The following ZMYM4 variants were observed in gnomAD, a reference collection of about 807,000 sequenced individuals.
ZMYM4 encodes zinc finger MYM-type containing 4, also known as zinc finger MYM-type protein 4.
Under a neutral mutation model 183.2 loss-of-function variants are expected in ZMYM4, and 31 were observed. That is an observed-to-expected ratio of 0.17 (90% CI 0.13 to 0.23). The LOEUF (loss-of-function observed/expected upper bound fraction) is 0.23. ZMYM4 is among the 10% of genes least tolerant of loss of function. ZMYM4 has a pLI of 1.00. For synonymous variants in ZMYM4, 592 were observed against 631.2 expected, an observed-to-expected ratio of 0.94 and a Z score of 0.93; for missense variants, 1,273 against 1,840.3, an observed-to-expected ratio of 0.69 and a Z score of 5.64.
intron 15 of ZMYM4, among the ~76,000 whole-genome samples, chr1:35,391,530 C>G (rs1020237291): frequency 2.6e-5 from 4 of 152,004 alleles, no homozygotes; most frequent in African/African-American, 9.7e-5. Context: ...CTACAAGAGC[C>G]TACTCCAAAA....
At position 35,389,875 on chromosome 1, in the gene ZMYM4, G is replaced by A. The variant is rs141067930; in HGVS notation, c.2437-73G>A. 4 of 1,499,052 alleles carry A rather than the reference G, an allele frequency of 2.7e-6. No homozygotes were observed. The highest frequency in any genetic ancestry group is 2.1e-5 in the Admixed American group (1 of 47,730). The allele number at this position is 1,499,052 out of a possible 1,614,324, so 92.9% of individuals were successfully genotyped here. A position where few individuals can be genotyped will look rare whatever the true frequency, so the allele number is the denominator to read the frequency against. On this transcript the variant is annotated intron_variant, in intron 14 of 29. Transcript: ENST00000314607. This position sits in a 1 kb window ranked among gnomAD's most constrained non-coding sequence, Gnocchi z 4.0. Reference sequence around the variant, plus strand: ...CTAAGTTAATTTCGTCACTTGTTATGTGTGTCTTATTTTTATTTTGTCAGA... The same window carrying A: ...CTAAGTTAATTTCGTCACTTGTTATATGTGTCTTATTTTTATTTTGTCAGA...
At chr1:35,386,883 A>C in intron 11 of ZMYM4, 120 bp from the exon 12 acceptor site, 1 of 1,098,692 alleles carries the variant, frequency 9.1e-7, no homozygotes, top group Non-Finnish European at 1.3e-6. Flanking sequence ...AGGCAGGAAC[A>C]TTGCCTGTTA....
chr1:35,293,224 C>G (rs1277191571), intron 1 of ZMYM4, among the ~76,000 whole-genome samples: 1 of 151,810 alleles, frequency 6.6e-6, no homozygotes, highest in Non-Finnish European at 1.5e-5. Flanking sequence ...AGGCTGGTCT[C>G]AAAGTCCTGG....
At chr1:35,317,436 A>T (rs1006981909) in intron 1 of ZMYM4, among the ~76,000 whole-genome samples, 1 of 152,058 alleles carries the variant, frequency 6.6e-6, no homozygotes, top group African/African-American at 2.4e-5. Flanking sequence ...TCTGTCTCAA[A>T]AAATAAATAA....
intron 1 of ZMYM4, among the ~76,000 whole-genome samples, chr1:35,291,634 C>CTTTTTT (rs1296107892): frequency 7.7e-6 from 1 of 129,338 alleles, no homozygotes; most frequent in Non-Finnish European, 1.7e-5. Flanking sequence ...GTGATTGTTA[C>CTTTTTT]TTTTTTTTTT....
intron 7 of ZMYM4, among the ~76,000 whole-genome samples, chr1:35,374,557 C>T (rs146692006): frequency 0.018 from 2,739 of 151,574 alleles, 69 homozygotes; most frequent in African/African-American, 0.063. Flanking sequence ...CCCACCTACT[C>T]AGGAGGCTGA....
At chr1:35,289,704 A>G (rs975498637) in intron 1 of ZMYM4, among the ~76,000 whole-genome samples, 6 of 152,264 alleles carry the variant, frequency 3.9e-5, no homozygotes, top group Admixed American at 1.3e-4. Context: ...TACTTAACCC[A>G]CTATCAACTA....
chr1:35,364,590 A>G (rs1279703899), intron 5 of ZMYM4, among the ~76,000 whole-genome samples: 2 of 152,110 alleles, frequency 1.3e-5, no homozygotes, highest in Non-Finnish European at 2.9e-5. Flanking sequence ...CTAGTGTATT[A>G]TATTATTAGT....
chr1:35,392,121 C>A (rs896077566), intron 15 of ZMYM4, 91 bp from the exon 16 acceptor site: 13 of 1,550,210 alleles, frequency 8.4e-6, no homozygotes, highest in African/African-American at 1.4e-5. Flanking sequence ...TTACTCAAAC[C>A]TGAAAACATT....
chr1:35,412,050 A>ATT (rs560248011), intron 26 of ZMYM4, among the ~76,000 whole-genome samples: 5 of 143,708 alleles, frequency 3.5e-5, no homozygotes, highest in African/African-American at 1.0e-4. Flanking sequence ...CGCCCAGCTA[A>ATT]TTTTTTTTTT....
At chr1:35,382,213 C>T (rs1044701779) in intron 9 of ZMYM4, among the ~76,000 whole-genome samples, 50 of 135,644 alleles carry the variant, frequency 3.7e-4, no homozygotes, top group African/African-American at 1.4e-3. Flanking sequence ...CACACACACA[C>T]GTATATATAC....
chr1:35,370,214 A>G, intron 6 of ZMYM4, 101 bp downstream of exon 6: 1 of 1,513,884 alleles, frequency 6.6e-7, no homozygotes, highest in Non-Finnish European at 8.9e-7. Flanking sequence ...CTCTCTACCC[A>G]CTTAGGATGC....
chr1:35,334,822 TC>T (rs1445481302), intron 2 of ZMYM4, among the ~76,000 whole-genome samples: 2 of 152,318 alleles, frequency 1.3e-5, no homozygotes, highest in Admixed American at 1.3e-4. Context: ...TTTTGTGTCA[TC>T]TTGAGCTAAA....
chr1:35,349,220 T>G (rs1454417710), intron 2 of ZMYM4, among the ~76,000 whole-genome samples: 2 of 152,132 alleles, frequency 1.3e-5, no homozygotes, highest in African/African-American at 4.8e-5. Flanking sequence ...ACTCCTGACC[T>G]CAAGTGATCT....
At chr1:35,331,116 A>T (rs369322907) in intron 2 of ZMYM4, among the ~76,000 whole-genome samples, 49 of 17,966 alleles carry the variant, frequency 2.7e-3, no homozygotes, top group African/African-American at 3.7e-3. Context: ...AGTCTTTTTT[A>T]AAAAAAACTA....
chr1:35,390,667 T>TC (rs1644685103), intron 15 of ZMYM4, among the ~76,000 whole-genome samples: 2 of 152,192 alleles, frequency 1.3e-5, no homozygotes, highest in Non-Finnish European at 2.9e-5. Context: ...GCCTGACACC[T>TC]TAGATTAAAG....
chr1:35,362,196 G>A (rs929600295), intron 5 of ZMYM4, among the ~76,000 whole-genome samples: 1 of 152,194 alleles, frequency 6.6e-6, no homozygotes, highest in Non-Finnish European at 1.5e-5. Context: ...TTCAGGAGGG[G>A]TTAATGGACA....
At chr1:35,304,589 A>G (rs1641442069) in intron 1 of ZMYM4, among the ~76,000 whole-genome samples, 1 of 148,256 alleles carries the variant, frequency 6.7e-6, no homozygotes, top group African/African-American at 2.5e-5. Context: ...TCTTAAGAGT[A>G]CCTGTGACTA....
At chr1:35,383,472 G>A (rs1454395459) in intron 9 of ZMYM4, among the ~76,000 whole-genome samples, 5 of 151,902 alleles carry the variant, frequency 3.3e-5, no homozygotes, top group African/African-American at 7.2e-5. Context: ...GAATTTAAGC[G>A]TGTTTCAATT....
Sources: gnomAD v4.1 joint callset for allele counts (sites outside exome capture counted in the v4.1 genomes callset) on GRCh38, gnomAD v4.1.1 for gene constraint, Gnocchi (gnomAD v3.1) non-coding constraint, MANE v1.5 for transcripts, NCBI Gene and HGNC (gene_info 2026-07-23, HGNC 2026-07-21) for gene names.